ACOT12: variants seen among roughly 807,000 people sequenced by gnomAD.
ACOT12 encodes acetyl-coenzyme A thioesterase.
In ACOT12, 51 loss-of-function variants were observed where a neutral mutation model predicts 67.7. The observed-to-expected ratio is 0.75, with a 90% CI of 0.60 to 0.95. ACOT12 has a LOEUF of 0.95. Ranked by LOEUF, ACOT12 falls within the 40% of genes least tolerant of loss-of-function variation. The pLI, the probability that ACOT12 is intolerant of heterozygous loss-of-function variation, is 0.00. For synonymous variants in ACOT12, 251 were observed against 244.6 expected (o/e 1.03, Z -0.24); for missense variants, 734 against 708.1 (o/e 1.04, Z -0.41).
intron 1 of ACOT12, among the ~76,000 whole-genome samples, chr5:81,389,221 A>G (rs1014275356): frequency 6.6e-6 from 1 of 152,178 alleles, no homozygotes; most frequent in African/African-American, 2.4e-5. Context: ...AACAGTGACT[A>G]CAAAGGTCCT....
At chr5:81,328,154 T>C (rs1439086090), downstream of ACOT12, among the ~76,000 whole-genome samples, 3 of 152,094 alleles carry the variant, frequency 2.0e-5, no homozygotes, top group Non-Finnish European at 4.4e-5. Flanking sequence ...CATCCAGAGA[T>C]CCTCAGCCCA....
intron 11 of ACOT12, among the ~76,000 whole-genome samples, chr5:81,338,486 C>G (rs1379713932): frequency 6.6e-6 from 1 of 152,190 alleles, no homozygotes; most frequent in African/African-American, 2.4e-5. Context: ...TCCTCTTCAC[C>G]TTCTGCCACG....
rs1758802728 is a variant in ACOT12, at chr5:81,330,952, C to G, written c.1392-12G>C. 1 of 1,582,300 alleles carries G rather than the reference C, an allele frequency of 6.3e-7. No homozygotes were observed. Among genetic ancestry groups the G allele is most frequent in the Non-Finnish European group, 8.6e-7 (1 of 1,166,212 alleles). The stretch of plus-strand genomic sequence containing the variant: ...CTGTGTAAGTGTTACTGAAAGAAAA[C>G]ACTTTCTAAGCTCTTGTGAGAAATA... On this transcript the variant is annotated splice_polypyrimidine_tract_variant and intron_variant, in intron 13 of 14. Transcript: ENST00000307624.
At chr5:81,337,042 G>C (rs6859712) in intron 11 of ACOT12, among the ~76,000 whole-genome samples, 2,819 of 152,312 alleles carry the variant, frequency 0.019, 25 homozygotes, top group African/African-American at 0.023. Flanking sequence ...AAGAAAACTA[G>C]GGATGGGGCT....
intron 2 of ACOT12, among the ~76,000 whole-genome samples, chr5:81,377,513 G>T (rs1760455975): frequency 1.3e-5 from 2 of 152,190 alleles, no homozygotes; most frequent in South Asian, 4.2e-4. Flanking sequence ...GAGAAAGAAA[G>T]AAAGGGTATT....
At chr5:81,320,880 A>T in the ACOT12 span, among the ~76,000 whole-genome samples, 1 of 152,206 alleles carries the variant, frequency 6.6e-6, no homozygotes, top group Middle Eastern at 3.2e-3. Flanking sequence ...TTTATTTCTT[A>T]CAGTTCTGGA....
intron 2 of ACOT12, among the ~76,000 whole-genome samples, chr5:81,377,360 A>G (rs1481637754): frequency 6.6e-6 from 1 of 152,234 alleles, no homozygotes; most frequent in Non-Finnish European, 1.5e-5. Context: ...AGAGCTATTT[A>G]TGAGAAACCC....
chr5:81,371,698 A>G (rs2153856218), intron 3 of ACOT12, 52 bp downstream of exon 3: 1 of 1,551,040 alleles, frequency 6.4e-7, no homozygotes, highest in Non-Finnish European at 8.9e-7. Context: ...CCCTTTGTAA[A>G]CAATGAAGAA....
chr5:81,319,155 C>T, the ACOT12 span, among the ~76,000 whole-genome samples: 1 of 152,198 alleles, frequency 6.6e-6, no homozygotes, highest in Non-Finnish European at 1.5e-5. Context: ...CTTTGATTCA[C>T]TTCCAGAGTT....
At chr5:81,318,771 T>G in the ACOT12 span, among the ~76,000 whole-genome samples, 2 of 152,360 alleles carry the variant, frequency 1.3e-5, no homozygotes, top group African/African-American at 4.8e-5. Context: ...GCAGTTATGA[T>G]GTTAAACAAT....
At chr5:81,373,750 C>T (rs534406477) in intron 2 of ACOT12, among the ~76,000 whole-genome samples, 2 of 152,266 alleles carry the variant, frequency 1.3e-5, no homozygotes, top group African/African-American at 2.4e-5. Context: ...ACAAAGCCAC[C>T]AGGAAGTTCA....
At chr5:81,373,609 G>C in intron 2 of ACOT12, among the ~76,000 whole-genome samples, 1 of 152,216 alleles carries the variant, frequency 6.6e-6, no homozygotes, top group South Asian at 2.1e-4. Flanking sequence ...AGCAAGCCAA[G>C]ATCCACTGGC....
intron 2 of ACOT12, among the ~76,000 whole-genome samples, chr5:81,374,024 C>T (rs1181210844): frequency 6.6e-6 from 1 of 152,170 alleles, no homozygotes; most frequent in African/African-American, 2.4e-5. Context: ...GGTCCCAGAC[C>T]CCCGTGTATC....
chr5:81,322,512 A>G, the ACOT12 span, among the ~76,000 whole-genome samples: 1 of 151,888 alleles, frequency 6.6e-6, no homozygotes. Flanking sequence ...AGAATTTAAA[A>G]GAAAAAGGGA....
At chr5:81,317,735 C>T in the ACOT12 span, among the ~76,000 whole-genome samples, 4 of 152,026 alleles carry the variant, frequency 2.6e-5, no homozygotes, top group South Asian at 6.2e-4. Context: ...AAGTCTGCCC[C>T]GATGATTGAA....
At chr5:81,329,947 G>C (rs952975297), downstream of ACOT12, 1 of 153,448 alleles carries the variant, frequency 6.5e-6, no homozygotes, top group African/African-American at 2.4e-5. Flanking sequence ...CTGACATATA[G>C]ACACCTGCTG....
At chr5:81,334,652 G>A (rs1189301212) in intron 12 of ACOT12, among the ~76,000 whole-genome samples, 1 of 152,216 alleles carries the variant, frequency 6.6e-6, no homozygotes, top group Non-Finnish European at 1.5e-5. Context: ...TAGAAAATTT[G>A]AAGATGAGCC....
chr5:81,380,283 G>T (rs751069830), intron 2 of ACOT12, among the ~76,000 whole-genome samples: 1 of 151,670 alleles, frequency 6.6e-6, no homozygotes, highest in Non-Finnish European at 1.5e-5. Context: ...TCCCACAAAG[G>T]CCAGGCATGG....
At chr5:81,393,865 G>A in intron 1 of ACOT12, 123 bp downstream of exon 1, 2 of 1,104,034 alleles carry the variant, frequency 1.8e-6, no homozygotes, top group Non-Finnish European at 2.3e-6. Context: ...CCCTATCCCT[G>A]GCTGCGCAGG....
Sources: allele counts gnomAD v4.1 joint callset (sites outside exome capture counted in the v4.1 genomes callset), GRCh38; gene constraint gnomAD v4.1.1; transcripts MANE v1.5; gene names NCBI Gene and HGNC (gene_info 2026-07-23, HGNC 2026-07-21).